Variants in GALNT18 observed in about 807,000 individuals in gnomAD.
The protein encoded by GALNT18 is polypeptide N-acetylgalactosaminyltransferase 18, also known as GalNAc-transferase 18.
A neutral mutation model predicts 69.5 loss-of-function variants in GALNT18; 44 were observed. The ratio of observed to expected loss-of-function variants is 0.63; its 90% CI spans 0.50 to 0.81. The LOEUF (loss-of-function observed/expected upper bound fraction) is 0.81. Ranked by LOEUF, GALNT18 falls within the 40% of genes least tolerant of loss-of-function variation. GALNT18 has a pLI of 0.00. For missense variants in GALNT18, 715 were observed against 810.0 expected, an observed-to-expected ratio of 0.88 and a Z score of 1.42; for synonymous variants, 364 against 318.2, an observed-to-expected ratio of 1.14 and a Z score of -1.53.
chr11:11,358,393 T>A (rs894298218), intron 6 of GALNT18, among the ~76,000 whole-genome samples: 1 of 140,334 alleles, frequency 7.1e-6, no homozygotes, highest in African/African-American at 2.6e-5. Context: ...CTCAAATTCT[T>A]CTCTAGCCAA....
At position 11,447,769 on chromosome 11, in the gene GALNT18, C is replaced by T. The variant is rs865898243; in HGVS notation, c.428+975G>A. Among the ~76,000 whole-genome samples the T allele has an allele frequency of 3.0e-4, 46 of 152,290 alleles. 1 individual carries two copies. The highest frequency in any genetic ancestry group is 1.1e-3 in the African/African-American group (44 of 41,564). On this transcript the variant is annotated intron_variant, in intron 2 of 10. Transcript: ENST00000227756. Reference sequence around the variant, plus strand: ...AGAACAGTATGGGGGAAACCACCCCCATGATTCAGTTACCTCCTACCTGGT... The same window carrying T: ...AGAACAGTATGGGGGAAACCACCCCTATGATTCAGTTACCTCCTACCTGGT...
chr11:11,420,545 G>A (rs1426829683), intron 3 of GALNT18, among the ~76,000 whole-genome samples: 5 of 152,222 alleles, frequency 3.3e-5, no homozygotes, highest in Non-Finnish European at 7.3e-5. Context: ...TTTAATGTCA[G>A]TAGGGAGCAT....
intron 2 of GALNT18, among the ~76,000 whole-genome samples, chr11:11,434,751 G>C (rs1855359925): frequency 6.6e-6 from 1 of 151,632 alleles, no homozygotes; most frequent in African/African-American, 2.4e-5. Flanking sequence ...GGAGGTGAGG[G>C]GAGGAACTTG....
At position 11,396,559 on chromosome 11, in the gene GALNT18, A is replaced by G. The variant is rs918898332; in HGVS notation, c.596-17295T>C. On this transcript the variant is annotated intron_variant, in intron 3 of 10. Coordinates refer to ENST00000227756, the MANE Select transcript of GALNT18 (RefSeq NM_198516.3). This position sits in a 1 kb window ranked among gnomAD's most constrained non-coding sequence, Gnocchi z 5.2. ...ACACGGACAGCTTGGTAACAAACAA[A>G]GAAAATGGAAGCCAAGCGTGGGGAT... 6.6e-6 allele frequency among the ~76,000 whole-genome samples: 1 copy of G among 152,224 alleles called. No individual in the cohort carries two copies. The highest frequency in any genetic ancestry group is 2.4e-5 in the African/African-American group (1 of 41,458).
rs1849734272 is a variant in GALNT18, at chr11:11,315,342, A to G, written c.1512+11744T>C. ...AGGAAAGAGTGAGACTGCAGGCTGG[A>G]TTAATGAAACAACTCACTCCATCAT... On this transcript the variant is annotated intron_variant, in intron 9 of 10. Transcript: ENST00000227756. The surrounding 1 kb of genome is among the most constrained non-coding windows in gnomAD (Gnocchi z 5.6). Among the ~76,000 whole-genome samples, 1 of 152,082 alleles carries G rather than the reference A, an allele frequency of 6.6e-6. No homozygotes were observed. Among genetic ancestry groups the G allele is most frequent in the South Asian group, 2.1e-4 (1 of 4,818 alleles).
At position 11,505,560 on chromosome 11, in the gene GALNT18, A is replaced by T. The variant is rs1175474904; in HGVS notation, c.236-56624T>A. Reference sequence around the variant, plus strand: ...TCCTGGGTTGCATATTACAGCTTCCATTGCCTTACCACCTCCTCCCCCATC... The same window carrying T: ...TCCTGGGTTGCATATTACAGCTTCCTTTGCCTTACCACCTCCTCCCCCATC... On this transcript the variant is annotated intron_variant, in intron 1 of 10. Coordinates refer to ENST00000227756, the MANE Select transcript of GALNT18 (RefSeq NM_198516.3). The surrounding 1 kb of genome is among the most constrained non-coding windows in gnomAD (Gnocchi z 4.6). 6.6e-6 allele frequency among the ~76,000 whole-genome samples: 1 copy of T among 152,130 alleles called. No homozygotes were observed. The highest frequency in any genetic ancestry group is 1.9e-4 in the East Asian group (1 of 5,186).
intron 2 of GALNT18, among the ~76,000 whole-genome samples, chr11:11,442,439 C>A (rs1191971976): frequency 6.6e-6 from 1 of 152,134 alleles, no homozygotes; most frequent in Non-Finnish European, 1.5e-5. Flanking sequence ...CTTTGGGAGG[C>A]CATTATTCTG....
rs114142696 is a variant in GALNT18 at position 11,583,709 on chromosome 11, C to T, written c.235+37650G>A. On this transcript the variant is annotated intron_variant, in intron 1 of 10. Transcript: ENST00000227756. This position sits in a 1 kb window ranked among gnomAD's most constrained non-coding sequence, Gnocchi z 4.7. Reference sequence around the variant, plus strand: ...ATATTTCCAAAGCCCTGACCACATACGTGGTCAGGGAAAATGCTTAAAGCT... The same window carrying T: ...ATATTTCCAAAGCCCTGACCACATATGTGGTCAGGGAAAATGCTTAAAGCT... Among the ~76,000 whole-genome samples, 755 of 152,162 alleles carry T rather than the reference C, an allele frequency of 5.0e-3. 2 individuals carry two copies. The highest frequency in any genetic ancestry group is 0.017 in the African/African-American group (719 of 41,506).
At chr11:11,342,306 G>A (rs1850222096) in intron 6 of GALNT18, among the ~76,000 whole-genome samples, 1 of 152,208 alleles carries the variant, frequency 6.6e-6, no homozygotes, top group African/African-American at 2.4e-5. Context: ...CCTGGTTAGA[G>A]CTGATGAATG....
chr11:11,371,173 C>T (rs1423518015), intron 6 of GALNT18, among the ~76,000 whole-genome samples: 1 of 152,212 alleles, frequency 6.6e-6, no homozygotes, highest in African/African-American at 2.4e-5. Flanking sequence ...GTCCTCAAAG[C>T]CCTAGCATTA....
intron 1 of GALNT18, among the ~76,000 whole-genome samples, chr11:11,509,374 T>G (rs183324771): frequency 6.6e-6 from 1 of 152,354 alleles, no homozygotes; most frequent in East Asian, 1.9e-4. Flanking sequence ...TGTTTTTATA[T>G]ATTCATAATT....
At chr11:11,554,870 T>C (rs529186424) in intron 1 of GALNT18, among the ~76,000 whole-genome samples, 1 of 152,242 alleles carries the variant, frequency 6.6e-6, no homozygotes, top group South Asian at 2.1e-4. Context: ...ACAGTGTCTG[T>C]CTGAGCCCAG....
intron 6 of GALNT18, among the ~76,000 whole-genome samples, chr11:11,368,486 A>G (rs1329499471): frequency 1.3e-5 from 2 of 152,234 alleles, no homozygotes; most frequent in Non-Finnish European, 2.9e-5. Context: ...ATAAGATACT[A>G]AATCCACAAT....
intron 1 of GALNT18, among the ~76,000 whole-genome samples, chr11:11,487,281 A>G (rs2133879131): frequency 6.6e-6 from 1 of 152,328 alleles, no homozygotes; most frequent in South Asian, 2.1e-4. Flanking sequence ...GGAAGGGGTG[A>G]AGGATGAAAG....
In GALNT18 at chr11:11,389,282, G is replaced by A. The variant is rs1854125899; in HGVS notation, c.596-10018C>T. ...CCTTCCGAAGGAGTCAGCTTTGTAG[G>A]CTCAACAGAAGCTCTTCCCCTGGGA... On this transcript the variant is annotated intron_variant, in intron 3 of 10. Coordinates refer to ENST00000227756, the MANE Select transcript of GALNT18 (RefSeq NM_198516.3). This position sits in a 1 kb window ranked among gnomAD's most constrained non-coding sequence, Gnocchi z 4.3. Among the ~76,000 whole-genome samples, 1 of 152,186 alleles carries A rather than the reference G, an allele frequency of 6.6e-6. No homozygotes were observed. Among genetic ancestry groups the A allele is most frequent in the Admixed American group, 6.5e-5 (1 of 15,278 alleles).
chr11:11,552,995 T>G (rs1858237790), intron 1 of GALNT18, among the ~76,000 whole-genome samples: 1 of 152,140 alleles, frequency 6.6e-6, no homozygotes, highest in African/African-American at 2.4e-5. Context: ...CTTTGCTTAC[T>G]TGGGTGAGTT....
intron 10 of GALNT18, among the ~76,000 whole-genome samples, chr11:11,283,784 A>G (rs1849136296): frequency 6.6e-6 from 1 of 152,218 alleles, no homozygotes; most frequent in South Asian, 2.1e-4. Flanking sequence ...AGTAAGGGCA[A>G]TTAAACCTGG....
chr11:11,384,773 G>C (rs1589957707), intron 3 of GALNT18, among the ~76,000 whole-genome samples: 1 of 152,174 alleles, frequency 6.6e-6, no homozygotes, highest in Non-Finnish European at 1.5e-5. Flanking sequence ...CTGGAACTGA[G>C]AGAAATAAAC....
intron 10 of GALNT18, among the ~76,000 whole-genome samples, chr11:11,284,984 C>T (rs10831572): frequency 0.17 from 23,007 of 136,302 alleles, 2,120 homozygotes; most frequent in Middle Eastern, 0.25. Context: ...TGAGATTCTG[C>T]CCAGGGCTTG....
Sources: gnomAD v4.1 joint callset for allele counts (sites outside exome capture counted in the v4.1 genomes callset) on GRCh38, gnomAD v4.1.1 for gene constraint, Gnocchi (gnomAD v3.1) non-coding constraint, MANE v1.5 for transcripts, NCBI Gene and HGNC (gene_info 2026-07-23, HGNC 2026-07-21) for gene names.